Variants in PTPRR observed in about 807,000 individuals in gnomAD.
PTPRR encodes protein tyrosine phosphatase receptor type R.
In PTPRR, 38 loss-of-function variants were observed where a neutral mutation model predicts 77.2. The observed-to-expected ratio is 0.49, with a 90% CI of 0.38 to 0.65. The LOEUF is 0.65. PTPRR is among the 30% of genes least tolerant of loss of function. PTPRR has a pLI of 0.00. For synonymous variants in PTPRR, 299 were observed against 283.1 expected, an observed-to-expected ratio of 1.06 and a Z score of -0.57; for missense variants, 744 against 799.2, an observed-to-expected ratio of 0.93 and a Z score of 0.83.
At chr12:70,722,224 A>G (rs1462117106) in intron 6 of PTPRR, among the ~76,000 whole-genome samples, 1 of 152,104 alleles carries the variant, frequency 6.6e-6, no homozygotes, top group East Asian at 1.9e-4. Context: ...TTTCCTGTGT[A>G]AGAGCACAAG....
intron 2 of PTPRR, among the ~76,000 whole-genome samples, chr12:70,767,665 C>G (rs557264462): frequency 6.6e-5 from 10 of 152,124 alleles, no homozygotes; most frequent in Non-Finnish European, 1.0e-4. Flanking sequence ...CCAAGCAGAC[C>G]TAATAGACAT....
intron 2 of PTPRR, among the ~76,000 whole-genome samples, chr12:70,864,357 C>T (rs1242077042): frequency 1.3e-5 from 2 of 152,126 alleles, no homozygotes; most frequent in Non-Finnish European, 2.9e-5. Context: ...GATAGGGAGT[C>T]CTTGGCTTAG....
chr12:70,728,478 A>G (rs1461717384), intron 6 of PTPRR, among the ~76,000 whole-genome samples: 3 of 9,056 alleles, frequency 3.3e-4, no homozygotes, highest in African/African-American at 4.0e-4. Flanking sequence ...ATGTGTATAT[A>G]TATATATATA....
chr12:70,653,383 G>A lies in PTPRR; in HGVS notation c.1880+3321C>T, dbSNP rs148289898. Among the ~76,000 whole-genome samples, 765 of 152,268 alleles carry A rather than the reference G, an allele frequency of 5.0e-3. 4 individuals are homozygous for A. The highest frequency in any genetic ancestry group is 0.01 in the Middle Eastern group (3 of 294). On this transcript the variant is annotated intron_variant, in intron 13 of 13. Transcript: ENST00000283228. ...AAGGCAGCAATTATAAGAGGAGAAGGGATAATTGGAACTGATCTTTTTTAT... is the reference window on the plus strand; with the variant it reads ...AAGGCAGCAATTATAAGAGGAGAAGAGATAATTGGAACTGATCTTTTTTAT...
intron 6 of PTPRR, among the ~76,000 whole-genome samples, chr12:70,741,507 C>G (rs1017803997): frequency 6.6e-6 from 1 of 152,102 alleles, no homozygotes; most frequent in African/African-American, 2.4e-5. Flanking sequence ...ACCTTTGGAC[C>G]TTTGCTGTAT....
At chr12:70,843,729 AC>A (rs2137062244) in intron 2 of PTPRR, among the ~76,000 whole-genome samples, 1 of 152,186 alleles carries the variant, frequency 6.6e-6, no homozygotes, top group East Asian at 1.9e-4. Flanking sequence ...TAATATGATT[AC>A]CAAAAGTGGA....
intron 6 of PTPRR, among the ~76,000 whole-genome samples, chr12:70,737,512 ATCTATCTATCTATCTATCTATCTT>A (rs1565674660): frequency 6.6e-6 from 1 of 151,396 alleles, no homozygotes; most frequent in Non-Finnish European, 1.5e-5. Context: ...CTATCTATCT[ATCTATCTATCTATCTATCTATCTT>A]TCGAGACAAA....
intron 13 of PTPRR, among the ~76,000 whole-genome samples, chr12:70,646,877 A>G (rs1886218663): frequency 6.6e-6 from 1 of 152,204 alleles, no homozygotes; most frequent in Non-Finnish European, 1.5e-5. Context: ...GAAACAAAAA[A>G]TATGTTGGGG....
At chr12:70,755,760 T>C (rs1890546932) in intron 4 of PTPRR, among the ~76,000 whole-genome samples, 1 of 17,242 alleles carries the variant, frequency 5.8e-5, no homozygotes, top group Non-Finnish European at 4.1e-3. Context: ...TGAAAACACT[T>C]GATTGATAAA....
At chr12:70,660,546 CAT>C (rs1345379141) in intron 12 of PTPRR, among the ~76,000 whole-genome samples, 1 of 152,174 alleles carries the variant, frequency 6.6e-6, no homozygotes, top group Non-Finnish European at 1.5e-5. Context: ...GCAGAGTTCA[CAT>C]GTCATGTTGA....
At chr12:70,875,263 C>G (rs1565727004) in intron 2 of PTPRR, among the ~76,000 whole-genome samples, 2 of 152,084 alleles carry the variant, frequency 1.3e-5, no homozygotes, top group East Asian at 3.9e-4. Context: ...TTGTAGAATA[C>G]AAAACAACAC....
intron 2 of PTPRR, among the ~76,000 whole-genome samples, chr12:70,826,095 A>G (rs1892103742): frequency 6.6e-6 from 1 of 152,142 alleles, no homozygotes; most frequent in Non-Finnish European, 1.5e-5. Flanking sequence ...TCTGCTAGAG[A>G]AGGAGGAATG....
intron 2 of PTPRR, among the ~76,000 whole-genome samples, chr12:70,860,428 G>C (rs966131898): frequency 1.3e-5 from 2 of 152,042 alleles, no homozygotes; most frequent in Non-Finnish European, 2.9e-5. Context: ...AAGGCCCATG[G>C]ACATTTCAGA....
chr12:70,880,474 C>T (rs1893130059), intron 2 of PTPRR, among the ~76,000 whole-genome samples: 1 of 152,074 alleles, frequency 6.6e-6, no homozygotes, highest in African/African-American at 2.4e-5. Flanking sequence ...AAGGTAGTCC[C>T]CACTATTTTC....
intron 2 of PTPRR, among the ~76,000 whole-genome samples, chr12:70,825,931 A>G (rs143968275): frequency 3.9e-5 from 6 of 152,358 alleles, no homozygotes; most frequent in Admixed American, 2.6e-4. Context: ...AAAACATATC[A>G]CAACTCTTTT....
chr12:70,669,501 C>T (rs59514806), intron 10 of PTPRR, among the ~76,000 whole-genome samples: 2,488 of 124,718 alleles, frequency 0.02, 74 homozygotes, highest in East Asian at 0.14. Context: ...TATATATATA[C>T]GAGCTATATA....
chr12:70,660,050 G>A (rs535765232), intron 12 of PTPRR, among the ~76,000 whole-genome samples: 3 of 152,034 alleles, frequency 2.0e-5, no homozygotes, highest in East Asian at 3.9e-4. Context: ...GGTGGTGCAT[G>A]CCTGTAATTC....
rs567491808 is a variant in PTPRR, at chr12:70,774,049, G to A, written c.358-9271C>T. Among the ~76,000 whole-genome samples, 77 of 152,290 alleles carry A rather than the reference G, an allele frequency of 5.1e-4. No homozygotes were observed. In the South Asian group the frequency reaches 0.013, roughly 26 times the overall value. On this transcript the variant is annotated intron_variant, in intron 2 of 13. Transcript: ENST00000283228. Reference sequence around the variant, plus strand: ...GAGAAACAGAGGCTTCCTTTCATCCGTGGCCTGTTTTCATCTCTGCCAGAC... The same window carrying A: ...GAGAAACAGAGGCTTCCTTTCATCCATGGCCTGTTTTCATCTCTGCCAGAC...
At chr12:70,679,249 GTTGTTGATTTCTAGTTT>G (rs1887565529) in intron 10 of PTPRR, among the ~76,000 whole-genome samples, 1 of 152,064 alleles carries the variant, frequency 6.6e-6, no homozygotes, top group African/African-American at 2.4e-5. Flanking sequence ...ATTTCTTCCT[GTTGTTGATTTCTAGTTT>G]TATAACATTG....
Sources: gnomAD v4.1 joint callset for allele counts (sites outside exome capture counted in the v4.1 genomes callset) on GRCh38, gnomAD v4.1.1 for gene constraint, MANE v1.5 for transcripts, NCBI Gene and HGNC (gene_info 2026-07-23, HGNC 2026-07-21) for gene names.